Variants in PDE6C observed in about 807,000 individuals in gnomAD.
The protein encoded by PDE6C is phosphodiesterase 6C.
PDE6C carries 75 observed loss-of-function variants against 113.1 expected under a neutral mutation model. That is an observed-to-expected ratio of 0.66 (90% CI 0.55 to 0.80). PDE6C has a LOEUF of 0.80. Ranked by LOEUF, PDE6C falls within the 30% of genes least tolerant of loss-of-function variation. The pLI, the probability that PDE6C is intolerant of heterozygous loss-of-function variation, is 0.00. For synonymous variants in PDE6C, 375 were observed against 363.7 expected, an observed-to-expected ratio of 1.03 and a Z score of -0.35; for missense variants, 912 against 1,038.6, an observed-to-expected ratio of 0.88 and a Z score of 1.67.
chr10:93,613,927 T>A (rs1270658012), intron 1 of PDE6C, among the ~76,000 whole-genome samples: 1 of 152,178 alleles, frequency 6.6e-6, no homozygotes, highest in Non-Finnish European at 1.5e-5. Context: ...TACAAGGCAT[T>A]GAGATGCCCC....
intron 7 of PDE6C, among the ~76,000 whole-genome samples, chr10:93,629,020 G>A (rs866993077): frequency 5.0e-4 from 76 of 152,312 alleles, no homozygotes; most frequent in African/African-American, 1.6e-3. Flanking sequence ...GAGTCTGGGG[G>A]AGTGGGAAGG....
intron 1 of PDE6C, among the ~76,000 whole-genome samples, chr10:93,615,498 C>T (rs898341001): frequency 3.9e-5 from 6 of 152,216 alleles, no homozygotes; most frequent in Admixed American, 1.3e-4. Flanking sequence ...TATCCTGCCT[C>T]AGCATCCTGA....
intron 1 of PDE6C, among the ~76,000 whole-genome samples, chr10:93,618,915 T>C (rs1554888725): frequency 6.6e-6 from 1 of 152,236 alleles, no homozygotes; most frequent in Non-Finnish European, 1.5e-5. Context: ...GCAAGGTTTG[T>C]GCTGCTTTTA....
At chr10:93,640,582 T>C in intron 13 of PDE6C, 25 bp downstream of exon 13, 1 of 1,404,878 alleles carries the variant, frequency 7.1e-7, no homozygotes, top group African/African-American at 1.4e-5. Context: ...CTGTAAATCC[T>C]TGTAAACCTG....
chr10:93,645,500 T>C (rs620043), intron 14 of PDE6C, among the ~76,000 whole-genome samples: 20,953 of 152,200 alleles, frequency 0.14, 1,847 homozygotes, highest in Admixed American at 0.23. Flanking sequence ...CCCCTACTTA[T>C]ATAAAGCTGT....
intron 12 of PDE6C, 114 bp from the exon 13 acceptor site, chr10:93,640,336 C>A: frequency 1.6e-6 from 2 of 1,266,474 alleles, no homozygotes; most frequent in Non-Finnish European, 2.3e-6. Context: ...TTTCTAAATA[C>A]ATCAGCTTAA....
At chr10:93,637,186 C>G (rs1302878220) in intron 11 of PDE6C, 123 bp downstream of exon 11, 1 of 667,826 alleles carries the variant, frequency 1.5e-6, no homozygotes, top group Non-Finnish European at 2.7e-6. Flanking sequence ...TGATATTTCT[C>G]AAGGCTAAAA....
chr10:93,633,468 A>C (rs997048417), intron 8 of PDE6C, among the ~76,000 whole-genome samples: 8 of 137,852 alleles, frequency 5.8e-5, no homozygotes, highest in African/African-American at 2.0e-4. Context: ...CCTGTCTCAA[A>C]AAAAAAAAAA....
At chr10:93,656,028 G>C (rs1347789578) in intron 16 of PDE6C, among the ~76,000 whole-genome samples, 168 bp downstream of exon 16, 3 of 152,102 alleles carry the variant, frequency 2.0e-5, no homozygotes, top group Non-Finnish European at 2.9e-5. Flanking sequence ...GGATTACCAA[G>C]TAGAGTATCT....
intron 15 of PDE6C, among the ~76,000 whole-genome samples, chr10:93,654,661 A>C (rs2058624262): frequency 6.6e-6 from 1 of 152,138 alleles, no homozygotes; most frequent in Non-Finnish European, 1.5e-5. Flanking sequence ...TGGCAAAATC[A>C]CTATCTATCT....
chr10:93,631,011 A>G (rs544881505), intron 8 of PDE6C, among the ~76,000 whole-genome samples: 1 of 152,346 alleles, frequency 6.6e-6, no homozygotes. Context: ...TTAAGCAGTC[A>G]TTGTCTAAAC....
Position 93,640,979 on chromosome 10 carries a change from T to C in PDE6C, c.1797T>C (p.Ala599=), listed in dbSNP as rs1234800071. The change falls in exon 14 of 22, where the codon GCT becomes GCC. Residue 599 remains alanine, a synonymous_variant. Coordinates refer to ENST00000371447, the MANE Select transcript of PDE6C (RefSeq NM_006204.4). ...AAGCCTTTGCCATGCTTGCTGCTGC[T>C]TTCTGCCATGATATTGACCACAGAG... ...DLEAFAMLAA[A]FCHDIDHRGT... 2 of 1,613,438 alleles carry C rather than the reference T, an allele frequency of 1.2e-6. No homozygotes were observed. The highest frequency in any genetic ancestry group is 1.7e-5 in the Admixed American group (1 of 60,016).
chr10:93,646,268 CTCTGTGGG>C lies in PDE6C; in HGVS notation c.1935+227_1935+234del, dbSNP rs2058584022. Among the ~76,000 whole-genome samples the C allele has an allele frequency of 2.0e-5, 3 of 152,090 alleles. No homozygotes were observed. In the South Asian group the frequency reaches 6.2e-4, roughly 32 times the overall value. On this transcript the variant is annotated intron_variant, in intron 15 of 21. Transcript: ENST00000371447. ...AGAGAGCCATGGAAAGTCACAGAAT[CTCTGTGGG>C]TCTGTAGGGAAAGAAGAAAAAGCTT...
intron 10 of PDE6C, among the ~76,000 whole-genome samples, chr10:93,635,896 A>T (rs917263599): frequency 1.5e-4 from 23 of 152,246 alleles, no homozygotes; most frequent in Admixed American, 6.5e-4. Flanking sequence ...GCAAGAAAAA[A>T]ATATATATAT....
chr10:93,655,882 G>GAGTATAGGGCATTCCAC, intron 16 of PDE6C, 22 bp downstream of exon 16: 1 of 1,146,486 alleles, frequency 8.7e-7, no homozygotes, highest in Non-Finnish European at 1.3e-6. Flanking sequence ...ACTCTGCACA[G>GAGTATAGGGCATTCCAC]TGGAATGCCC....
chr10:93,621,919 T>C lies in PDE6C; in HGVS notation c.724-13T>C, dbSNP rs1418071514. On this transcript the variant is annotated splice_polypyrimidine_tract_variant and intron_variant, in intron 3 of 21. Coordinates refer to ENST00000371447, the MANE Select transcript of PDE6C (RefSeq NM_006204.4). Reference sequence around the variant, plus strand: ...TTTATTCTAACTGTTTTCTTTTTGATACCTACTTTCAGATCCTTATGTGGT... The same window carrying C: ...TTTATTCTAACTGTTTTCTTTTTGACACCTACTTTCAGATCCTTATGTGGT... 6.2e-7 allele frequency: 1 copy of C among 1,612,468 alleles called. No individual in the cohort carries two copies. Among genetic ancestry groups the C allele is most frequent in the African/African-American group, 1.3e-5 (1 of 74,916 alleles).
At chr10:93,660,431 T>C (rs141985858) in intron 18 of PDE6C, among the ~76,000 whole-genome samples, 133 of 152,280 alleles carry the variant, frequency 8.7e-4, no homozygotes, top group African/African-American at 3.1e-3. Flanking sequence ...CTTCTTGGCA[T>C]CTTTGTGTCT....
chr10:93,657,625 G>C (rs1216747856), intron 16 of PDE6C, among the ~76,000 whole-genome samples: 1 of 152,016 alleles, frequency 6.6e-6, no homozygotes, highest in Non-Finnish European at 1.5e-5. Flanking sequence ...CATTTTAACT[G>C]AATAGAGTAT....
intron 1 of PDE6C, among the ~76,000 whole-genome samples, chr10:93,616,615 T>C (rs188396409): frequency 1.3e-5 from 2 of 152,296 alleles, no homozygotes; most frequent in East Asian, 3.9e-4. Flanking sequence ...TGGTCAATGA[T>C]TATTGCCTGT....
Sources: gnomAD v4.1 joint callset for allele counts (sites outside exome capture counted in the v4.1 genomes callset) on GRCh38, gnomAD v4.1.1 for gene constraint, MANE v1.5 for transcripts, NCBI Gene and HGNC (gene_info 2026-07-23, HGNC 2026-07-21) for gene names.